OR9Q1: variants seen among roughly 807,000 people sequenced by gnomAD.
The protein encoded by OR9Q1 is olfactory receptor family 9 subfamily Q member 1, also known as olfactory receptor 9Q1.
For synonymous variants in OR9Q1, 153 were observed against 148.6 expected (o/e 1.03, Z -0.22); for missense variants, 374 against 378.8 (o/e 0.99, Z 0.11).
intron 2 of OR9Q1, among the ~76,000 whole-genome samples, chr11:58,129,709 G>A (rs1485005473): frequency 6.6e-6 from 1 of 152,016 alleles, no homozygotes; most frequent in Non-Finnish European, 1.5e-5. Flanking sequence ...CCATCACCAA[G>A]ACCTTTTCTG....
intron 2 of OR9Q1, among the ~76,000 whole-genome samples, chr11:58,176,446 C>A (rs1854607899): frequency 6.6e-6 from 1 of 152,178 alleles, no homozygotes; most frequent in African/African-American, 2.4e-5. Context: ...GACCTCAGAG[C>A]TTTTGTAGCA....
At position 58,180,602 on chromosome 11, in the gene OR9Q1, G is replaced by A. The variant is rs991907423; in HGVS notation, c.*225G>A. On this transcript the variant is annotated 3_prime_UTR_variant, in exon 3 of 3. Coordinates refer to ENST00000335397, the MANE Select transcript of OR9Q1 (RefSeq NM_001005212.4). ...TTGATTCCCAGGACAAGTGACAAAA[G>A]GATTTGAAATTAAAGCCTGTGCAAT... 5.0e-6 allele frequency: 2 copies of A among 397,532 alleles called. No individual in the cohort carries two copies. Among genetic ancestry groups the A allele is most frequent in the Non-Finnish European group, 9.3e-6 (2 of 214,844 alleles). 24.6% of individuals were successfully genotyped at this position (397,532 alleles called of 1,614,324 possible).
intron 2 of OR9Q1, among the ~76,000 whole-genome samples, chr11:58,154,355 T>A (rs1257813197): frequency 6.7e-6 from 1 of 149,616 alleles, no homozygotes; most frequent in Non-Finnish European, 1.5e-5. Flanking sequence ...TGTTTTGGCT[T>A]AGCAATAAAA....
intron 1 of OR9Q1, chr11:58,031,292 A>G: frequency 6.2e-7 from 1 of 1,614,072 alleles, no homozygotes; most frequent in Non-Finnish European, 8.5e-7. Flanking sequence ...TCTTGGGGCA[A>G]CTGAGTGTTT....
At chr11:58,167,942 A>G (rs1854520365) in intron 2 of OR9Q1, among the ~76,000 whole-genome samples, 1 of 152,190 alleles carries the variant, frequency 6.6e-6, no homozygotes, top group Non-Finnish European at 1.5e-5. Context: ...AATAGACTCT[A>G]TCTCTTGAAG....
intron 2 of OR9Q1, among the ~76,000 whole-genome samples, chr11:58,064,360 A>G (rs981445787): frequency 6.6e-6 from 1 of 152,236 alleles, no homozygotes; most frequent in Non-Finnish European, 1.5e-5. Flanking sequence ...TTTTGAGGTC[A>G]TAGCTCTGAT....
At chr11:58,116,807 T>A (rs1345470314) in intron 2 of OR9Q1, 1 of 152,214 alleles carries the variant, frequency 6.6e-6, no homozygotes, top group African/African-American at 2.4e-5. Flanking sequence ...AATAAAATTG[T>A]TGTTTCCATA....
At chr11:58,030,389 A>G (rs534709830) in intron 1 of OR9Q1, among the ~76,000 whole-genome samples, 11 of 152,238 alleles carry the variant, frequency 7.2e-5, no homozygotes, top group East Asian at 1.9e-4. Flanking sequence ...CCCCCTTGAC[A>G]TTTATTGACT....
At chr11:58,119,241 C>T in intron 2 of OR9Q1, 1 of 1,613,876 alleles carries the variant, frequency 6.2e-7, no homozygotes, top group African/African-American at 1.3e-5. Flanking sequence ...AGGCATCCAG[C>T]AGGGAGAGGT....
rs1854633335 is a variant in OR9Q1 at position 58,179,012 on chromosome 11, A to AGAGAGAGAGAG, written c.-14-419_-14-418insGAGAGAGAGAG. On this transcript the variant is annotated intron_variant, in intron 2 of 2. Coordinates refer to ENST00000335397, the MANE Select transcript of OR9Q1 (RefSeq NM_001005212.4). ...ATAGAGAGAGAGAGAGAAAGAAAGAAAGAGAGAGAGAGAGAGAGAGAGAGA... is the reference window on the plus strand; with the variant it reads ...ATAGAGAGAGAGAGAGAAAGAAAGAAGAGAGAGAGAGAGAGAGAGAGAGAGAGAGAGAGAGA... Among the ~76,000 whole-genome samples the AGAGAGAGAGAG allele has an allele frequency of 1.2e-4, 16 of 132,474 alleles. 1 individual carries two copies. Among genetic ancestry groups the AGAGAGAGAGAG allele is most frequent in the East Asian group, 1.1e-3 (5 of 4,490 alleles). The allele number at this position is 132,474 out of a possible 152,430, so 86.9% of individuals were successfully genotyped here.
intron 1 of OR9Q1, chr11:58,031,816 G>A (rs1565054125): frequency 6.2e-7 from 1 of 1,614,118 alleles, no homozygotes; most frequent in East Asian, 2.2e-5. Flanking sequence ...TCACGCCCAT[G>A]CTCAATCCTC....
intron 2 of OR9Q1, among the ~76,000 whole-genome samples, chr11:58,068,467 G>A (rs1344287399): frequency 6.6e-6 from 1 of 152,108 alleles, no homozygotes; most frequent in Non-Finnish European, 1.5e-5. Context: ...CAGCCCACGG[G>A]AATGAGCCCA....
chr11:58,032,818 A>G (rs954031615), intron 1 of OR9Q1, among the ~76,000 whole-genome samples: 11 of 152,244 alleles, frequency 7.2e-5, no homozygotes, highest in Middle Eastern at 3.2e-3. Flanking sequence ...CATGACAAAC[A>G]GGTAAACTAC....
intron 2 of OR9Q1, among the ~76,000 whole-genome samples, chr11:58,061,911 A>G (rs923260018): frequency 3.3e-5 from 5 of 152,362 alleles, no homozygotes; most frequent in East Asian, 3.9e-4. Context: ...CAACAGCTAC[A>G]TGCCAGTTCG....
chr11:58,037,104 C>G (rs772103702), intron 1 of OR9Q1, among the ~76,000 whole-genome samples: 22 of 152,204 alleles, frequency 1.4e-4, no homozygotes, highest in Non-Finnish European at 1.8e-4. Context: ...CAATCATCAG[C>G]AACCACCACC....
chr11:58,059,473 A>G (rs1318339055), intron 2 of OR9Q1, among the ~76,000 whole-genome samples: 1 of 152,104 alleles, frequency 6.6e-6, no homozygotes, highest in Non-Finnish European at 1.5e-5. Flanking sequence ...AGGCGGGCAG[A>G]TCAATTGAGG....
chr11:58,146,441 A>C (rs917380556), intron 2 of OR9Q1, among the ~76,000 whole-genome samples: 1 of 152,198 alleles, frequency 6.6e-6, no homozygotes, highest in African/African-American at 2.4e-5. Context: ...CTATGTATCA[A>C]ATATTAAGTT....
In OR9Q1 at chr11:58,079,274, A is replaced by T. The variant is rs1160503554; in HGVS notation, c.-15+23327A>T. On this transcript the variant is annotated intron_variant, in intron 2 of 2. Transcript: ENST00000335397. ...TTTTTTTTTTTATCTTGCTGGTGTCATTTCTCTCAATTTTAGGGCTTTGCA... is the reference window on the plus strand; with the variant it reads ...TTTTTTTTTTTATCTTGCTGGTGTCTTTTCTCTCAATTTTAGGGCTTTGCA... Among the ~76,000 whole-genome samples, 4 of 150,670 alleles carry T rather than the reference A, an allele frequency of 2.7e-5. No homozygotes were observed. In the East Asian group the frequency reaches 7.8e-4, roughly 29 times the overall value.
intron 2 of OR9Q1, chr11:58,124,631 T>G (rs1854070716): frequency 6.6e-6 from 1 of 152,232 alleles, no homozygotes; most frequent in Admixed American, 6.5e-5. Flanking sequence ...GGCTTTTATT[T>G]CCTTTCAACT....
Sources: gnomAD v4.1 joint callset for allele counts (sites outside exome capture counted in the v4.1 genomes callset) on GRCh38, gnomAD v4.1.1 for gene constraint, MANE v1.5 for transcripts, NCBI Gene and HGNC (gene_info 2026-07-23, HGNC 2026-07-21) for gene names.